The following ROR1 variants were observed in gnomAD, a reference collection of about 807,000 sequenced individuals.
ROR1 encodes the protein ROR family WNT receptor 1.
In ROR1, 19 loss-of-function variants were observed where a neutral mutation model predicts 78.8. The ratio of observed to expected loss-of-function variants is 0.24; its 90% CI spans 0.17 to 0.35. The LOEUF is 0.35. Among genes scored for constraint, ROR1 ranks in the 10% least tolerant of loss-of-function variants. The pLI is 1.00. For synonymous variants in ROR1, 386 were observed against 433.6 expected, an observed-to-expected ratio of 0.89 and a Z score of 1.36; for missense variants, 917 against 1,177.8, an observed-to-expected ratio of 0.78 and a Z score of 3.24.
rs72686922 is a variant in ROR1 at position 64,146,550 on chromosome 1, G to A, written c.1174+3900G>A. Among the ~76,000 whole-genome samples, 742 of 152,302 alleles carry A rather than the reference G, an allele frequency of 4.9e-3. 1 individual carries two copies. The highest frequency in any genetic ancestry group is 7.8e-3 in the Non-Finnish European group (532 of 68,032). On this transcript the variant is annotated intron_variant, in intron 7 of 8. Transcript: ENST00000371079. ...AGGTAAACACTATTGTTCTTTGGGT[G>A]ACTTCTGACCCTTAATTTCCAACCA...
intron 4 of ROR1, among the ~76,000 whole-genome samples, chr1:64,120,211 G>C (rs1648479689): frequency 6.8e-6 from 1 of 148,146 alleles, no homozygotes. Flanking sequence ...TCTTTCCCAT[G>C]AACAGGACCA....
chr1:64,046,361 A>G (rs1646783238), intron 2 of ROR1, among the ~76,000 whole-genome samples: 1 of 152,212 alleles, frequency 6.6e-6, no homozygotes, highest in African/African-American at 2.4e-5. Flanking sequence ...TCGTCAGTGA[A>G]AAGTTAAAAC....
At chr1:64,093,171 GA>G (rs1647218161) in intron 4 of ROR1, among the ~76,000 whole-genome samples, 1 of 152,158 alleles carries the variant, frequency 6.6e-6, no homozygotes, top group Non-Finnish European at 1.5e-5. Context: ...ATCTTGAGAG[GA>G]TGTGTTGGGT....
intron 1 of ROR1, among the ~76,000 whole-genome samples, chr1:63,821,442 T>G (rs955285623): frequency 1.3e-5 from 2 of 152,210 alleles, no homozygotes; most frequent in Non-Finnish European, 2.9e-5. Flanking sequence ...TGCCAACACT[T>G]TTCACTGCTG....
At chr1:63,815,484 C>CTTTTTTTTTTTT (rs34749985) in intron 1 of ROR1, among the ~76,000 whole-genome samples, 12 of 85,344 alleles carry the variant, frequency 1.4e-4, no homozygotes, top group Non-Finnish European at 2.0e-4. Context: ...TTTTCTTTTT[C>CTTTTTTTTTTTT]TTTTTTTTTT....
chr1:64,158,887 T>G (rs529740757), intron 7 of ROR1, 94 bp from the exon 8 acceptor site: 2 of 888,974 alleles, frequency 2.2e-6, no homozygotes, highest in Admixed American at 2.1e-5. Context: ...TATAAAAGAA[T>G]AGAAGAGGTG....
chr1:64,118,929 G>A (rs1648421540), intron 4 of ROR1, among the ~76,000 whole-genome samples: 1 of 152,156 alleles, frequency 6.6e-6, no homozygotes, highest in Non-Finnish European at 1.5e-5. Context: ...CCAGCACGTG[G>A]ACCATAAATG....
At chr1:63,938,124 C>T (rs1281985912) in intron 1 of ROR1, among the ~76,000 whole-genome samples, 1 of 152,012 alleles carries the variant, frequency 6.6e-6, no homozygotes, top group Non-Finnish European at 1.5e-5. Flanking sequence ...ATGGATTCAA[C>T]CAAAGTCAAA....
intron 1 of ROR1, among the ~76,000 whole-genome samples, chr1:63,997,855 C>T (rs921623810): frequency 4.6e-5 from 7 of 151,512 alleles, no homozygotes; most frequent in African/African-American, 1.7e-4. Flanking sequence ...AAAGTCTTTA[C>T]CCAATTGTGA....
At chr1:63,907,513 A>G (rs1019221136) in intron 1 of ROR1, among the ~76,000 whole-genome samples, 1 of 152,180 alleles carries the variant, frequency 6.6e-6, no homozygotes, top group Non-Finnish European at 1.5e-5. Context: ...CACAAACCAG[A>G]TATGTGACAT....
At chr1:63,900,178 G>T (rs1645473325) in intron 1 of ROR1, among the ~76,000 whole-genome samples, 1 of 152,186 alleles carries the variant, frequency 6.6e-6, no homozygotes, top group Non-Finnish European at 1.5e-5. Context: ...AGTTGGCCGG[G>T]CGTGGTGACT....
chr1:64,140,399 A>G lies in ROR1; in HGVS notation c.901A>G (p.Ile301Val). The G allele has an allele frequency of 6.2e-7, 1 of 1,614,134 alleles. No homozygotes were observed. The highest frequency in any genetic ancestry group is 8.5e-7 in the Non-Finnish European group (1 of 1,179,968). Residue 301 changes from isoleucine to valine, a missense_variant, in exon 6 of 9, where the codon ATT becomes GTT. By Grantham distance (29) the Ile-to-Val change is conservative (BLOSUM62 3). This residue lies in a region of ROR1 where 835 missense variants were observed against 1,069.8 expected (regional missense o/e 0.78). Transcript: ENST00000371079. ...PEAANCIRIG[I>V]PMADPINKNH... ...AGCTGCGAACTGTATCCGGATTGGA[A>G]TTCCCATGGCAGATCCTATAAATAA...
chr1:64,076,953 T>C (rs563280401), intron 4 of ROR1, among the ~76,000 whole-genome samples: 2 of 152,296 alleles, frequency 1.3e-5, no homozygotes, highest in South Asian at 2.1e-4. Flanking sequence ...GGAAAACTGA[T>C]TAACTAATAC....
At chr1:64,109,875 T>C (rs1648010253) in intron 4 of ROR1, among the ~76,000 whole-genome samples, 1 of 152,094 alleles carries the variant, frequency 6.6e-6, no homozygotes, top group Admixed American at 6.6e-5. Context: ...GGGCAGGAAT[T>C]TGTTGTCTTT....
chr1:64,094,264 G>A (rs1213703452), intron 4 of ROR1, among the ~76,000 whole-genome samples: 2 of 152,094 alleles, frequency 1.3e-5, no homozygotes, highest in Admixed American at 1.3e-4. Context: ...ATCATTCTCT[G>A]TCATTCCTCT....
chr1:63,774,337 G>A lies in ROR1; in HGVS notation c.-81G>A, dbSNP rs933708682. On this transcript the variant is annotated 5_prime_UTR_variant, in exon 1 of 9. Transcript: ENST00000371079. This position sits in a 1 kb window ranked among gnomAD's most constrained non-coding sequence, Gnocchi z 5.7. Reference sequence around the variant, plus strand: ...GAGCGCCAGCGGCCGGGACGAGGCGGCCGGGAGCCCGGGAAGAGCCCGTGG... The same window carrying A: ...GAGCGCCAGCGGCCGGGACGAGGCGACCGGGAGCCCGGGAAGAGCCCGTGG... 4 of 938,622 alleles carry A rather than the reference G, an allele frequency of 4.3e-6. No homozygotes were observed. The highest frequency in any genetic ancestry group is 1.8e-5 in the South Asian group (1 of 56,626). 58.1% of individuals were successfully genotyped at this position (938,622 alleles called of 1,614,324 possible).
At position 63,982,860 on chromosome 1, in the gene ROR1, T is replaced by C. The variant is rs575695953; in HGVS notation, c.92-26445T>C. 3.9e-5 allele frequency among the ~76,000 whole-genome samples: 6 copies of C among 152,234 alleles called. No individual in the cohort carries two copies. In the East Asian group the frequency reaches 5.8e-4, roughly 15 times the overall value. On this transcript the variant is annotated intron_variant, in intron 1 of 8. Transcript: ENST00000371079. ...AACCAGACTCCTGGTCTACTAGATA[T>C]ATAACCTGGAAAATAATTTAATCTG...
At chr1:63,847,998 C>A (rs920329439) in intron 1 of ROR1, among the ~76,000 whole-genome samples, 2 of 152,176 alleles carry the variant, frequency 1.3e-5, no homozygotes, top group Non-Finnish European at 2.9e-5. Flanking sequence ...TCCTGAGCTC[C>A]CTTTTTGTTT....
At chr1:63,874,916 C>T (rs1645274927) in intron 1 of ROR1, among the ~76,000 whole-genome samples, 1 of 151,950 alleles carries the variant, frequency 6.6e-6, no homozygotes, top group South Asian at 2.1e-4. Flanking sequence ...ATGAAGTAGA[C>T]CAGGTATAAT....
Sources: gnomAD v4.1 joint callset for allele counts (sites outside exome capture counted in the v4.1 genomes callset) on GRCh38, gnomAD v4.1.1 for gene constraint, gnomAD v4.1.1 regional missense constraint, Gnocchi (gnomAD v3.1) non-coding constraint, MANE v1.5 for transcripts, NCBI Gene and HGNC (gene_info 2026-07-23, HGNC 2026-07-21) for gene names.